BCKDHB: variants seen among roughly 807,000 people sequenced by gnomAD.
BCKDHB encodes the protein branched chain keto acid dehydrogenase E1 subunit beta.
In BCKDHB, 41 loss-of-function variants were observed where a neutral mutation model predicts 48.5. The ratio of observed to expected loss-of-function variants is 0.85; its 90% CI spans 0.66 to 1.10. The LOEUF (loss-of-function observed/expected upper bound fraction) is 1.10, where lower values mean the gene tolerates loss of function less well. BCKDHB is among the 50% of genes least tolerant of loss of function. BCKDHB has a pLI of 0.00. For missense variants in BCKDHB, 496 were observed against 494.2 expected, an observed-to-expected ratio of 1.00 and a Z score of -0.03; for synonymous variants, 201 against 174.8, an observed-to-expected ratio of 1.15 and a Z score of -1.18.
chr6:80,244,230 G>C (rs950020102), intron 8 of BCKDHB, among the ~76,000 whole-genome samples: 1 of 149,484 alleles, frequency 6.7e-6, no homozygotes, highest in African/African-American at 2.5e-5. Flanking sequence ...TCTGGGGACT[G>C]TGTGTGTGTG....
chr6:80,287,468 A>ATT (rs10670092), intron 9 of BCKDHB, among the ~76,000 whole-genome samples: 51,622 of 149,804 alleles, frequency 0.34, 8,918 homozygotes, highest in Non-Finnish European at 0.37. Flanking sequence ...TGGTTCAGTG[A>ATT]TTTTTTTTTT....
chr6:80,133,135 G>A (rs1203704738), intron 3 of BCKDHB, among the ~76,000 whole-genome samples: 1 of 152,192 alleles, frequency 6.6e-6, no homozygotes, highest in Non-Finnish European at 1.5e-5. Context: ...GTCAGCAGGT[G>A]GCAGCCTACC....
At chr6:80,276,058 A>G (rs999605309) in intron 9 of BCKDHB, among the ~76,000 whole-genome samples, 1 of 152,082 alleles carries the variant, frequency 6.6e-6, no homozygotes, top group East Asian at 1.9e-4. Context: ...CTGGGAAAAG[A>G]TGTTTTAAAT....
At chr6:80,389,406 C>T in the BCKDHB span, among the ~76,000 whole-genome samples, 2 of 152,224 alleles carry the variant, frequency 1.3e-5, no homozygotes, top group African/African-American at 4.8e-5. Context: ...GATCAGTCAG[C>T]TACCTGGTGG....
At chr6:80,393,572 A>G in the BCKDHB span, among the ~76,000 whole-genome samples, 1 of 152,204 alleles carries the variant, frequency 6.6e-6, no homozygotes, top group Non-Finnish European at 1.5e-5. Flanking sequence ...CAGAACCATG[A>G]GCAACAAATC....
At chr6:80,396,459 A>G in the BCKDHB span, among the ~76,000 whole-genome samples, 5 of 152,178 alleles carry the variant, frequency 3.3e-5, no homozygotes, top group Non-Finnish European at 5.9e-5. Context: ...TTAATGTGGG[A>G]ATGAGTTAAG....
the BCKDHB span, among the ~76,000 whole-genome samples, chr6:80,450,377 G>A: frequency 6.6e-6 from 1 of 152,070 alleles, no homozygotes; most frequent in Admixed American, 6.6e-5. Flanking sequence ...ATGAACAGAA[G>A]CTATGTCTGT....
downstream of BCKDHB, among the ~76,000 whole-genome samples, chr6:80,349,043 T>G (rs950855527): frequency 2.6e-5 from 4 of 152,234 alleles, no homozygotes; most frequent in Admixed American, 6.5e-5. Flanking sequence ...TACACTTTTA[T>G]GTGAAGTGAT....
the BCKDHB span, among the ~76,000 whole-genome samples, chr6:80,397,455 C>T: frequency 3.9e-5 from 6 of 152,098 alleles, no homozygotes; most frequent in Non-Finnish European, 8.8e-5. Flanking sequence ...ACAGAGATAT[C>T]AAGAGAAAGC....
intron 3 of BCKDHB, among the ~76,000 whole-genome samples, chr6:80,139,928 A>G (rs1460134418): frequency 6.6e-6 from 1 of 152,174 alleles, no homozygotes; most frequent in East Asian, 1.9e-4. Context: ...GATTCTTCCT[A>G]TCCATGAGCA....
At chr6:80,152,444 G>A (rs1771831836) in intron 3 of BCKDHB, among the ~76,000 whole-genome samples, 1 of 152,096 alleles carries the variant, frequency 6.6e-6, no homozygotes, top group South Asian at 2.1e-4. Context: ...TTCTCTTCAA[G>A]TGTCACTTAA....
the BCKDHB span, among the ~76,000 whole-genome samples, chr6:80,408,158 A>T: frequency 6.6e-6 from 1 of 152,096 alleles, no homozygotes; most frequent in African/African-American, 2.4e-5. Flanking sequence ...GATTACTTTT[A>T]TTGATTTGCA....
upstream of BCKDHB, chr6:80,106,651 G>A: frequency 6.5e-7 from 1 of 1,539,876 alleles, no homozygotes; most frequent in Non-Finnish European, 8.8e-7. Flanking sequence ...CCCCGCAGGC[G>A]GCGTGCGGCT....
chr6:80,275,350 A>G (rs550258038), intron 9 of BCKDHB, among the ~76,000 whole-genome samples: 1 of 152,218 alleles, frequency 6.6e-6, no homozygotes, highest in Admixed American at 6.5e-5. Flanking sequence ...GGAAGATAAT[A>G]GAAGTTTTGG....
intron 1 of BCKDHB, among the ~76,000 whole-genome samples, chr6:80,123,872 G>GT (rs1421110825): frequency 1.5e-4 from 23 of 152,026 alleles, no homozygotes; most frequent in African/African-American, 2.7e-4. Flanking sequence ...TTTTTGAACG[G>GT]TTTTTTTGTC....
intron 9 of BCKDHB, among the ~76,000 whole-genome samples, chr6:80,342,722 G>A (rs1236141388): frequency 6.6e-6 from 1 of 152,094 alleles, no homozygotes; most frequent in East Asian, 1.9e-4. Flanking sequence ...CTGGAAGATC[G>A]AGGTTGCAGT....
rs1321630814 is a variant in BCKDHB at position 80,106,780 on chromosome 6, G to A, written c.87G>A (p.Ala29=). Residue 29 remains alanine, a synonymous_variant, in exon 1 of 10, where the codon GCG becomes GCA. Coordinates refer to ENST00000320393, the MANE Select transcript of BCKDHB (RefSeq NM_183050.4). ...AEGHWRRLPG[A]GLARGFLHPA... is the part of the protein sequence containing the mutation. ...GGCACTGGCGTCGGCTTCCTGGCGC[G>A]GGGCTGGCGCGGGGCTTTTTGCACC... 4 of 1,594,334 alleles carry A rather than the reference G, an allele frequency of 2.5e-6. No homozygotes were observed. The highest frequency in any genetic ancestry group is 1.7e-6 in the Non-Finnish European group (2 of 1,171,574).
chr6:80,304,692 T>G (rs1767765501), intron 9 of BCKDHB, among the ~76,000 whole-genome samples: 1 of 152,168 alleles, frequency 6.6e-6, no homozygotes, highest in Admixed American at 6.5e-5. Context: ...GCAAAGTTTT[T>G]ATAGCAAACT....
At chr6:80,264,022 T>A (rs1040386986) in intron 8 of BCKDHB, among the ~76,000 whole-genome samples, 8 of 152,212 alleles carry the variant, frequency 5.3e-5, no homozygotes, top group East Asian at 1.9e-4. Context: ...CAATTTTTTT[T>A]AGAAAAGAAC....
Sources: gnomAD v4.1 joint callset for allele counts (sites outside exome capture counted in the v4.1 genomes callset) on GRCh38, gnomAD v4.1.1 for gene constraint, MANE v1.5 for transcripts, NCBI Gene and HGNC (gene_info 2026-07-23, HGNC 2026-07-21) for gene names.